Variants in RSRC1 observed in about 807,000 individuals in gnomAD.
RSRC1 encodes serine/Arginine-related protein 53.
In RSRC1, 39 loss-of-function variants were observed where a neutral mutation model predicts 49.1. That is an observed-to-expected ratio of 0.79 (90% confidence interval 0.61 to 1.04). RSRC1 has a LOEUF of 1.04. Ranked by LOEUF, RSRC1 falls within the 50% of genes least tolerant of loss-of-function variation. RSRC1 has a pLI of 0.00. For synonymous variants in RSRC1, 143 were observed against 130.8 expected (o/e 1.09, Z -0.63); for missense variants, 388 against 402.4 (o/e 0.96, Z 0.31).
At chr3:158,337,306 G>A (rs1729966344) in intron 5 of RSRC1, among the ~76,000 whole-genome samples, 1 of 152,158 alleles carries the variant, frequency 6.6e-6, no homozygotes, top group Non-Finnish European at 1.5e-5. Flanking sequence ...ACTAAAATCA[G>A]TCTCATGTGA....
At chr3:158,181,659 TGTTA>T (rs1719631394) in intron 3 of RSRC1, among the ~76,000 whole-genome samples, 1 of 152,214 alleles carries the variant, frequency 6.6e-6, no homozygotes, top group Non-Finnish European at 1.5e-5. Context: ...GTAACTTATC[TGTTA>T]GTTGTAGGTA....
chr3:158,137,463 T>C (rs1352574663), intron 3 of RSRC1, among the ~76,000 whole-genome samples: 1 of 151,634 alleles, frequency 6.6e-6, no homozygotes, highest in Non-Finnish European at 1.5e-5. Context: ...ATGATGCCCT[T>C]GCAGTTTTTA....
chr3:158,245,221 A>G (rs1187216887), intron 4 of RSRC1, among the ~76,000 whole-genome samples: 1 of 151,714 alleles, frequency 6.6e-6, no homozygotes, highest in Non-Finnish European at 1.5e-5. Context: ...GGTATGTTGT[A>G]TCTTTGGTCT....
rs1713217667 is a variant in RSRC1 at position 158,544,470 on chromosome 3, CAAAATTT to C, written c.*198_*204del. On this transcript the variant is annotated 3_prime_UTR_variant, in exon 10 of 10. Transcript: ENST00000611884. ...AAATCAAACATTGTAAAAATTAAAACAAAATTTAAGATTGCATGAAAATGTTATACTG... is the reference window on the plus strand; with the variant it reads ...AAATCAAACATTGTAAAAATTAAAACAAGATTGCATGAAAATGTTATACTG... 2 of 378,446 alleles carry C rather than the reference CAAAATTT, an allele frequency of 5.3e-6. No individual in the cohort carries two copies. The highest frequency in any genetic ancestry group is 1.3e-4 in the South Asian group (2 of 15,252). The allele number at this position is 378,446 out of a possible 1,614,324, so 23.4% of individuals were successfully genotyped here.
chr3:158,395,431 A>G (rs1461112238), intron 6 of RSRC1, among the ~76,000 whole-genome samples: 1 of 152,176 alleles, frequency 6.6e-6, no homozygotes, highest in Admixed American at 6.6e-5. Context: ...CAAACTACGC[A>G]TCTGACAAAG....
rs904010382 is a variant in RSRC1 at position 158,298,043 on chromosome 3, T to C, written c.499T>C (p.Ser167Pro). ...ACTTTTACTCTTCTATTTTAGGGAA[T>C]CTGGAAACATCAAAGCTGGATTAGA... is the stretch of plus-strand genomic sequence containing the variant. ...KELHNIKRGE[S>P]GNIKAGLEHL... Residue 167 changes from serine to proline, a missense_variant, in exon 5 of 10, where the codon TCT becomes CCT. Ser to Pro is a moderately conservative substitution (Grantham distance 74). Transcript: ENST00000611884. 1 of 1,603,396 alleles carries C rather than the reference T, an allele frequency of 6.2e-7. No individual in the cohort carries two copies.
intron 6 of RSRC1, among the ~76,000 whole-genome samples, chr3:158,384,429 G>A (rs190498636): frequency 1.5e-3 from 225 of 152,262 alleles, no homozygotes; most frequent in Non-Finnish European, 8.8e-4. Context: ...GGGAGGGAAT[G>A]TGGGAACCAA....
intron 3 of RSRC1, among the ~76,000 whole-genome samples, chr3:158,145,721 G>T (rs1236763547): frequency 9.2e-5 from 14 of 152,112 alleles, no homozygotes; most frequent in East Asian, 3.9e-4. Context: ...ATTACCTTGG[G>T]CAGTATGGCC....
intron 3 of RSRC1, among the ~76,000 whole-genome samples, chr3:158,164,209 CAAG>C (rs1243879410): frequency 3.3e-5 from 5 of 151,958 alleles, no homozygotes; most frequent in African/African-American, 4.8e-5. Flanking sequence ...TGGAAAAAGA[CAAG>C]GAGGGAAGAT....
At chr3:158,449,902 A>G (rs1463808325) in intron 6 of RSRC1, among the ~76,000 whole-genome samples, 4 of 151,936 alleles carry the variant, frequency 2.6e-5, no homozygotes, top group African/African-American at 9.7e-5. Flanking sequence ...CTGGTTTCCT[A>G]CTACTGCTTA....
At chr3:158,127,048 A>G (rs2108172603) in intron 3 of RSRC1, among the ~76,000 whole-genome samples, 1 of 152,174 alleles carries the variant, frequency 6.6e-6, no homozygotes, top group South Asian at 2.1e-4. Context: ...GCTGCTTTCA[A>G]GATTCTCTCT....
At chr3:158,132,432 C>T (rs769851434) in intron 3 of RSRC1, among the ~76,000 whole-genome samples, 1 of 152,098 alleles carries the variant, frequency 6.6e-6, no homozygotes, top group Non-Finnish European at 1.5e-5. Flanking sequence ...CAAAGGACAG[C>T]GTGTCTGATG....
chr3:158,434,587 A>G (rs1034225416), intron 6 of RSRC1, among the ~76,000 whole-genome samples: 1 of 151,984 alleles, frequency 6.6e-6, no homozygotes, highest in Admixed American at 6.6e-5. Context: ...AAGCAGACAG[A>G]TACATTATTC....
intron 7 of RSRC1, among the ~76,000 whole-genome samples, chr3:158,505,655 A>G (rs1417756987): frequency 1.3e-5 from 2 of 152,206 alleles, no homozygotes; most frequent in Non-Finnish European, 1.5e-5. Context: ...GAAGAACCTG[A>G]AAGGAAGTTT....
intron 7 of RSRC1, among the ~76,000 whole-genome samples, chr3:158,467,895 A>C (rs1027619574): frequency 6.6e-6 from 1 of 152,244 alleles, no homozygotes; most frequent in Non-Finnish European, 1.5e-5. Context: ...ACCAGCACAG[A>C]AGCAACTCCA....
At chr3:158,226,098 A>G (rs1187318797) in intron 4 of RSRC1, among the ~76,000 whole-genome samples, 3 of 151,808 alleles carry the variant, frequency 2.0e-5, no homozygotes, top group African/African-American at 7.3e-5. Flanking sequence ...TGAGGAATGG[A>G]TACTGTTTGG....
intron 3 of RSRC1, among the ~76,000 whole-genome samples, chr3:158,191,299 T>G (rs2108264267): frequency 6.6e-6 from 1 of 152,232 alleles, no homozygotes; most frequent in Non-Finnish European, 1.5e-5. Context: ...CCATGTTATT[T>G]TTGTTCAATG....
At chr3:158,196,397 G>T (rs62290094) in intron 3 of RSRC1, among the ~76,000 whole-genome samples, 29 of 152,182 alleles carry the variant, frequency 1.9e-4, no homozygotes, top group South Asian at 2.1e-4. Flanking sequence ...AAGGAGATTT[G>T]GGGCTGAGAC....
At chr3:158,155,116 C>T (rs1717783579) in intron 3 of RSRC1, among the ~76,000 whole-genome samples, 1 of 152,124 alleles carries the variant, frequency 6.6e-6, no homozygotes, top group South Asian at 2.1e-4. Context: ...CAACTTCTTC[C>T]ATACTCCTGT....
Sources: allele counts gnomAD v4.1 joint callset (sites outside exome capture counted in the v4.1 genomes callset), GRCh38; gene constraint gnomAD v4.1.1; transcripts MANE v1.5; gene names NCBI Gene and HGNC (gene_info 2026-07-23, HGNC 2026-07-21).